Variants in DPY19L3 observed in about 807,000 individuals in gnomAD.
DPY19L3 encodes protein C-mannosyl-transferase DPY19L3.
DPY19L3 carries 51 observed loss-of-function variants against 92.3 expected under a neutral mutation model. The observed-to-expected ratio is 0.55, with a 90% CI of 0.44 to 0.70. DPY19L3 has a LOEUF of 0.70. Ranked by LOEUF, DPY19L3 falls within the 30% of genes least tolerant of loss-of-function variation. The pLI, the probability that DPY19L3 is intolerant of heterozygous loss-of-function variation, is 0.00. For missense variants in DPY19L3, 706 were observed against 855.9 expected (o/e 0.82, Z 2.18); for synonymous variants, 309 against 315.2 (o/e 0.98, Z 0.21).
chr19:32,413,393 A>G (rs1030765916), intron 3 of DPY19L3, among the ~76,000 whole-genome samples: 2 of 152,226 alleles, frequency 1.3e-5, no homozygotes, highest in African/African-American at 4.8e-5. Context: ...CTTTATGGGT[A>G]CAGTATATAT....
Position 32,422,293 on chromosome 19 carries a change from C to CA in DPY19L3, c.238-10422dup, listed in dbSNP as rs201954826. 3.6e-3 allele frequency among the ~76,000 whole-genome samples: 553 copies of CA among 152,204 alleles called. 10 individuals carry two copies. Among genetic ancestry groups the CA allele is most frequent in the East Asian group, 0.02 (106 of 5,184 alleles). ...GCCACTGTGGAAGATGAATACAAAG[C>CA]AGAAACATAAGAAGGTATGTGCCTT... On this transcript the variant is annotated intron_variant, in intron 3 of 18. Transcript: ENST00000392250.
chr19:32,480,042 C>G (rs889333818), intron 17 of DPY19L3, among the ~76,000 whole-genome samples: 4 of 152,190 alleles, frequency 2.6e-5, no homozygotes, highest in African/African-American at 9.7e-5. Context: ...TGGGGGTCCC[C>G]TTTTTAAAGG....
chr19:32,415,454 A>G (rs899105399), intron 3 of DPY19L3, among the ~76,000 whole-genome samples: 18 of 152,186 alleles, frequency 1.2e-4, no homozygotes, highest in Non-Finnish European at 4.4e-5. Flanking sequence ...AGAGAGTACA[A>G]GGGGAGAGGG....
intron 7 of DPY19L3, among the ~76,000 whole-genome samples, chr19:32,439,530 A>G (rs550035567): frequency 1.3e-5 from 2 of 152,332 alleles, no homozygotes; most frequent in African/African-American, 4.8e-5. Context: ...TGCTCTTGAG[A>G]TGTGATTTGG....
chr19:32,479,115 T>C (rs1970597840), intron 17 of DPY19L3, among the ~76,000 whole-genome samples: 1 of 152,158 alleles, frequency 6.6e-6, no homozygotes, highest in Middle Eastern at 3.2e-3. Flanking sequence ...GTTGAAAAAG[T>C]CTTGTTTTGA....
Position 32,408,306 on chromosome 19 carries a change from A to G in DPY19L3, c.53A>G (p.Asp18Gly), listed in dbSNP as rs1599577017. ...ATAAGAGCCACAGAAGTTTCTGAAG[A>G]CTTTCCAGCCCAAGAAGAAAATGTG... ...REIRATEVSE[D>G]FPAQEENVKL... Residue 18 changes from aspartate to glycine, a missense_variant, in exon 2 of 19, where the codon GAC becomes GGC. Coordinates refer to ENST00000392250, the MANE Select transcript of DPY19L3 (RefSeq NM_001172774.2). 1 of 1,614,020 alleles carries G rather than the reference A, an allele frequency of 6.2e-7. No individual in the cohort carries two copies. The highest frequency in any genetic ancestry group is 2.2e-5 in the East Asian group (1 of 44,880).
chr19:32,445,196 C>A (rs1969450824), intron 8 of DPY19L3, among the ~76,000 whole-genome samples: 1 of 151,404 alleles, frequency 6.6e-6, no homozygotes, highest in African/African-American at 2.4e-5. Flanking sequence ...AATCCCATTA[C>A]TTTGGGAGGC....
At chr19:32,481,539 C>A (rs181997628) in intron 18 of DPY19L3, 1 of 152,368 alleles carries the variant, frequency 6.6e-6, no homozygotes, top group East Asian at 1.9e-4. Flanking sequence ...TTCAGCCTCC[C>A]AAGTAGCTGG....
chr19:32,467,813 G>A, intron 15 of DPY19L3: 1 of 978,370 alleles, frequency 1.0e-6, no homozygotes, highest in Non-Finnish European at 1.2e-6. Context: ...AAACAATTAA[G>A]ATTTAGTTAA....
At chr19:32,476,118 C>G (rs978586558) in intron 16 of DPY19L3, among the ~76,000 whole-genome samples, 5 of 152,046 alleles carry the variant, frequency 3.3e-5, no homozygotes, top group African/African-American at 7.2e-5. Context: ...TGTAGACATC[C>G]AAGGCCTCTG....
chr19:32,452,319 C>A (rs1969727899), intron 8 of DPY19L3, among the ~76,000 whole-genome samples: 3 of 152,210 alleles, frequency 2.0e-5, no homozygotes, highest in African/African-American at 7.2e-5. Context: ...ACTGTGCTGC[C>A]TGCTATGAAG....
intron 5 of DPY19L3, 38 bp downstream of exon 5, chr19:32,436,605 A>G (rs1163480757): frequency 1.4e-6 from 2 of 1,390,054 alleles, no homozygotes; most frequent in African/African-American, 2.9e-5. Context: ...TATCAGATGA[A>G]AGTCAAAGTC....
chr19:32,466,383 C>T (rs982032392), intron 15 of DPY19L3, among the ~76,000 whole-genome samples: 23 of 152,312 alleles, frequency 1.5e-4, no homozygotes, highest in African/African-American at 5.1e-4. Context: ...GTTTTAAGAA[C>T]CCCCTGCTGT....
At chr19:32,437,449 C>A in intron 6 of DPY19L3, 110 bp downstream of exon 6, 1 of 1,318,892 alleles carries the variant, frequency 7.6e-7, no homozygotes, top group South Asian at 1.5e-5. Flanking sequence ...TGGTTGGGAG[C>A]AGTTTCTCTT....
intron 17 of DPY19L3, among the ~76,000 whole-genome samples, chr19:32,478,453 A>G (rs1414184828): frequency 2.0e-5 from 3 of 152,226 alleles, no homozygotes; most frequent in Non-Finnish European, 4.4e-5. Flanking sequence ...TTTAATAGAT[A>G]ATAATACAGT....
At chr19:32,426,397 T>C (rs183785972) in intron 3 of DPY19L3, among the ~76,000 whole-genome samples, 3 of 152,372 alleles carry the variant, frequency 2.0e-5, no homozygotes, top group Admixed American at 2.0e-4. Context: ...CCGTAACTTT[T>C]CCTTTGTGTT....
At chr19:32,435,541 T>G (rs1156873114) in intron 4 of DPY19L3, among the ~76,000 whole-genome samples, 1 of 152,208 alleles carries the variant, frequency 6.6e-6, no homozygotes, top group Non-Finnish European at 1.5e-5. Flanking sequence ...ACTGCAAAAT[T>G]CCTCTCCATA....
At chr19:32,432,046 A>G (rs188065713) in intron 3 of DPY19L3, among the ~76,000 whole-genome samples, 2 of 152,318 alleles carry the variant, frequency 1.3e-5, no homozygotes, top group East Asian at 3.9e-4. Flanking sequence ...AAAGTGTATC[A>G]TCTAACAGTA....
chr19:32,454,802 A>G (rs1969814526), intron 9 of DPY19L3, 137 bp from the exon 10 acceptor site: 1 of 551,272 alleles, frequency 1.8e-6, no homozygotes, highest in Admixed American at 3.9e-5. Context: ...GAAAATGAGT[A>G]GGTTGTATTT....
Sources: allele counts gnomAD v4.1 joint callset (sites outside exome capture counted in the v4.1 genomes callset), GRCh38; gene constraint gnomAD v4.1.1; transcripts MANE v1.5; gene names NCBI Gene and HGNC (gene_info 2026-07-23, HGNC 2026-07-21).